Variants in RPH3A observed in about 807,000 individuals in gnomAD.
RPH3A encodes rabphilin-3A.
RPH3A carries 48 observed loss-of-function variants against 102.2 expected under a neutral mutation model. That is an observed-to-expected ratio of 0.47 (90% CI 0.37 to 0.60). The LOEUF (loss-of-function observed/expected upper bound fraction) is 0.60. Ranked by LOEUF, RPH3A falls within the 20% of genes least tolerant of loss-of-function variation. The pLI, the probability that RPH3A is intolerant of heterozygous loss-of-function variation, is 0.00. For missense variants in RPH3A, 781 were observed against 910.1 expected, an observed-to-expected ratio of 0.86 and a Z score of 1.83; for synonymous variants, 310 against 324.3, an observed-to-expected ratio of 0.96 and a Z score of 0.47.
At chr12:112,635,776 A>T (rs918284369) in intron 1 of RPH3A, among the ~76,000 whole-genome samples, 2 of 152,164 alleles carry the variant, frequency 1.3e-5, no homozygotes, top group Non-Finnish European at 2.9e-5. Flanking sequence ...AAGGCCCATG[A>T]GGGAATGGAT....
At chr12:112,588,644 A>G (rs1176928296) in intron 1 of RPH3A, among the ~76,000 whole-genome samples, 1 of 152,214 alleles carries the variant, frequency 6.6e-6, no homozygotes, top group Non-Finnish European at 1.5e-5. Flanking sequence ...TGCATTATTT[A>G]GATCCTGCGA....
rs536762105 is a variant in RPH3A, at chr12:112,738,129, C to T, written c.-139-54014C>T. On this transcript the variant is annotated intron_variant, in intron 1 of 21. Transcript: ENST00000543106. Reference sequence around the variant, plus strand: ...CCTCAAATCTCTGCCTTTATCATCACGTATCCTTCTTCCTTGTGTATATCT... The same window carrying T: ...CCTCAAATCTCTGCCTTTATCATCATGTATCCTTCTTCCTTGTGTATATCT... Among the ~76,000 whole-genome samples the T allele has an allele frequency of 2.3e-4, 35 of 152,192 alleles. 1 individual carries two copies. In the South Asian group the frequency reaches 5.6e-3, roughly 24 times the overall value.
chr12:112,711,249 A>G (rs760957035), intron 1 of RPH3A, among the ~76,000 whole-genome samples: 36 of 152,266 alleles, frequency 2.4e-4, no homozygotes, highest in Admixed American at 6.5e-4. Flanking sequence ...TTGCATTTCT[A>G]ATAAGCTCCC....
chr12:112,634,661 A>AGATGATT (rs1209920880), intron 1 of RPH3A, among the ~76,000 whole-genome samples: 2 of 152,062 alleles, frequency 1.3e-5, no homozygotes, highest in African/African-American at 4.8e-5. Context: ...ATGTTGTCCC[A>AGATGATT]TCTGTAGTAC....
chr12:112,721,235 T>C (rs1182374303), intron 1 of RPH3A, among the ~76,000 whole-genome samples: 2 of 152,316 alleles, frequency 1.3e-5, no homozygotes, highest in Non-Finnish European at 1.5e-5. Context: ...AGACATCTAC[T>C]CTTGACATTA....
intron 17 of RPH3A, among the ~76,000 whole-genome samples, chr12:112,888,259 G>A (rs1011939693): frequency 6.6e-6 from 1 of 152,236 alleles, no homozygotes; most frequent in African/African-American, 2.4e-5. Flanking sequence ...GAACCACTCC[G>A]AGCCTCGGTG....
At chr12:112,883,486 G>A (rs2042958303) in intron 16 of RPH3A, 84 bp downstream of exon 16, 2 of 908,796 alleles carry the variant, frequency 2.2e-6, no homozygotes, top group African/African-American at 3.3e-5. Flanking sequence ...AGGCCCCCAG[G>A]GCTTCACTCT....
upstream of RPH3A, among the ~76,000 whole-genome samples, chr12:112,789,098 C>T (rs568223621): frequency 9.9e-5 from 15 of 152,144 alleles, no homozygotes; most frequent in African/African-American, 1.9e-4. Context: ...GTGGAGGTTG[C>T]GGTTAGGCGA....
At chr12:112,613,363 A>G (rs1206367150) in intron 1 of RPH3A, among the ~76,000 whole-genome samples, 1 of 152,116 alleles carries the variant, frequency 6.6e-6, no homozygotes, top group African/African-American at 2.4e-5. Context: ...TCGCGGTTCT[A>G]AGAATGGACT....
At chr12:112,795,891 T>C (rs559736814) in intron 2 of RPH3A, among the ~76,000 whole-genome samples, 1 of 152,188 alleles carries the variant, frequency 6.6e-6, no homozygotes, top group South Asian at 2.1e-4. Context: ...ATCGGGGCGA[T>C]GTTGGTGATG....
chr12:112,838,279 G>A (rs1355296332), intron 4 of RPH3A, among the ~76,000 whole-genome samples: 1 of 152,240 alleles, frequency 6.6e-6, no homozygotes, highest in Non-Finnish European at 1.5e-5. Context: ...GAGAGAACAT[G>A]GGATTTTATA....
intron 3 of RPH3A, among the ~76,000 whole-genome samples, chr12:112,833,643 T>C (rs936460592): frequency 1.1e-4 from 11 of 100,802 alleles, no homozygotes; most frequent in African/African-American, 3.5e-4. Flanking sequence ...GATTCCCTTT[T>C]TTAAAAATTG....
intron 1 of RPH3A, among the ~76,000 whole-genome samples, chr12:112,639,361 C>A (rs1198898192): frequency 6.6e-6 from 1 of 152,138 alleles, no homozygotes; most frequent in African/African-American, 2.4e-5. Context: ...ATGGATGGAG[C>A]TGGACGCTGT....
intron 5 of RPH3A, among the ~76,000 whole-genome samples, chr12:112,849,164 G>A (rs1028960545): frequency 2.6e-5 from 4 of 152,132 alleles, no homozygotes; most frequent in Non-Finnish European, 5.9e-5. Context: ...TGCAGGAAGT[G>A]GATGCCTTTG....
At chr12:112,807,421 C>T (rs557418867) in intron 2 of RPH3A, among the ~76,000 whole-genome samples, 151 of 152,212 alleles carry the variant, frequency 9.9e-4, no homozygotes, top group Non-Finnish European at 1.5e-3. Flanking sequence ...AGATGTGGGG[C>T]CCCTTCCTGA....
intron 2 of RPH3A, among the ~76,000 whole-genome samples, chr12:112,798,447 GA>G (rs1378836429): frequency 6.6e-6 from 1 of 151,908 alleles, no homozygotes; most frequent in Non-Finnish European, 1.5e-5. Flanking sequence ...ACACAATGAC[GA>G]GTGGTGACTT....
chr12:112,773,799 G>A (rs1483843793), intron 1 of RPH3A, among the ~76,000 whole-genome samples: 1 of 152,012 alleles, frequency 6.6e-6, no homozygotes, highest in Non-Finnish European at 1.5e-5. Flanking sequence ...AGGCAGTAGG[G>A]GCCAGGCATG....
In RPH3A at chr12:112,866,826, A is replaced by C; in HGVS notation, c.430A>C (p.Ile144Leu). 1 of 1,609,876 alleles carries C rather than the reference A, an allele frequency of 6.2e-7. No homozygotes were observed. Among genetic ancestry groups the C allele is most frequent in the Non-Finnish European group, 8.5e-7 (1 of 1,177,882 alleles). ...TTCTGTGTGGCTCTGCAAAATCTGC[A>C]TTGAGCAGAGGGAGGTGAGTGCCCT... The part of the protein sequence containing the change: ...LHSVWLCKIC[I>L]EQREVWKRSG... Residue 144 changes from isoleucine to leucine, a missense_variant, in exon 7 of 22, where the codon ATT becomes CTT. Transcript: ENST00000389385.
chr12:112,785,059 C>A (rs759164835), intron 1 of RPH3A, among the ~76,000 whole-genome samples: 2 of 151,982 alleles, frequency 1.3e-5, no homozygotes, highest in Non-Finnish European at 2.9e-5. Context: ...CCCGTCTCTA[C>A]TAAAAATACA....
Sources: allele counts gnomAD v4.1 joint callset (sites outside exome capture counted in the v4.1 genomes callset), GRCh38; gene constraint gnomAD v4.1.1; transcripts MANE v1.5; gene names NCBI Gene and HGNC (gene_info 2026-07-23, HGNC 2026-07-21).